Variants in MTCH2 observed in about 807,000 individuals in gnomAD.
The protein encoded by MTCH2 is mitochondrial carrier homolog 2.
In MTCH2, 25 loss-of-function variants were observed where a neutral mutation model predicts 50.6. The observed-to-expected ratio is 0.49, with a 90% CI of 0.36 to 0.69. The LOEUF (loss-of-function observed/expected upper bound fraction) is 0.69, where lower values mean the gene tolerates loss of function less well. Ranked by LOEUF, MTCH2 falls within the 30% of genes least tolerant of loss-of-function variation. The pLI, the probability that MTCH2 is intolerant of heterozygous loss-of-function variation, is 0.00. For missense variants in MTCH2, 273 were observed against 384.4 expected (o/e 0.71, Z 2.42); for synonymous variants, 106 against 132.0 (o/e 0.80, Z 1.35).
chr11:47,638,932 C>T (rs1347754495), intron 2 of MTCH2, 35 bp downstream of exon 2: 4 of 1,592,624 alleles, frequency 2.5e-6, no homozygotes, highest in Admixed American at 1.7e-5. Flanking sequence ...CAGTCCTCAA[C>T]GTCATGCAAA....
the MTCH2 span, among the ~76,000 whole-genome samples, chr11:47,608,005 C>T: frequency 6.6e-6 from 1 of 152,230 alleles, no homozygotes; most frequent in Non-Finnish European, 1.5e-5. Flanking sequence ...GGACGCAATG[C>T]ATGTGCGTGC....
intron 6 of MTCH2, 62 bp from the exon 7 acceptor site, chr11:47,631,149 C>A: frequency 7.1e-7 from 1 of 1,407,282 alleles, no homozygotes; most frequent in Non-Finnish European, 1.0e-6. Context: ...TGGCTCACAC[C>A]TGTAATCCCA....
intron 12 of MTCH2, among the ~76,000 whole-genome samples, chr11:47,619,381 G>A (rs561495096): frequency 6.6e-6 from 1 of 152,080 alleles, no homozygotes; most frequent in Non-Finnish European, 1.5e-5. Flanking sequence ...GGAAAGGAAC[G>A]CGCCACCGTG....
the MTCH2 span, among the ~76,000 whole-genome samples, chr11:47,606,150 G>A: frequency 1.3e-5 from 2 of 152,114 alleles, no homozygotes; most frequent in Non-Finnish European, 2.9e-5. Context: ...AGCTCATTTT[G>A]AATGGCTAGG....
chr11:47,609,116 C>CTCTG, the MTCH2 span, among the ~76,000 whole-genome samples: 1 of 95,422 alleles, frequency 1.0e-5, no homozygotes, highest in African/African-American at 4.1e-5. Flanking sequence ...AAGAGCAAAA[C>CTCTG]TCTGTCTCAA....
the MTCH2 span, among the ~76,000 whole-genome samples, chr11:47,604,557 CTTGTAATAGCAAACAGT>C: frequency 3.9e-5 from 6 of 152,148 alleles, no homozygotes; most frequent in African/African-American, 7.2e-5. Flanking sequence ...TTTAGCATGG[CTTGTAATAGCAAACAGT>C]TTGTAATAGC....
intron 10 of MTCH2, among the ~76,000 whole-genome samples, chr11:47,626,499 G>A (rs2097298321): frequency 6.6e-6 from 1 of 151,984 alleles, no homozygotes; most frequent in South Asian, 2.1e-4. Flanking sequence ...CGGAGGAAAG[G>A]CACGCCCCTT....
chr11:47,634,961 C>T (rs530141571), intron 4 of MTCH2, among the ~76,000 whole-genome samples: 5 of 151,952 alleles, frequency 3.3e-5, no homozygotes, highest in South Asian at 2.1e-4. Context: ...TTAGTAGAGA[C>T]GGGGTTTCAC....
chr11:47,619,912 AC>A (rs2097291669), intron 12 of MTCH2, among the ~76,000 whole-genome samples: 1 of 152,154 alleles, frequency 6.6e-6, no homozygotes, highest in African/African-American at 2.4e-5. Context: ...CCCCATCTCT[AC>A]TAAAAATACA....
chr11:47,608,012 G>A, the MTCH2 span, among the ~76,000 whole-genome samples: 3 of 152,292 alleles, frequency 2.0e-5, no homozygotes, highest in East Asian at 1.9e-4. Flanking sequence ...ATGCATGTGC[G>A]TGCCATATTA....
intron 9 of MTCH2, among the ~76,000 whole-genome samples, chr11:47,627,839 A>T (rs1334789888): frequency 6.6e-6 from 1 of 152,146 alleles, no homozygotes; most frequent in African/African-American, 2.4e-5. Flanking sequence ...TTAGAATAAT[A>T]AGGCAGTGGT....
the MTCH2 span, among the ~76,000 whole-genome samples, chr11:47,604,569 AAC>A: frequency 6.6e-6 from 1 of 152,220 alleles, no homozygotes; most frequent in African/African-American, 2.4e-5. Context: ...TGTAATAGCA[AAC>A]AGTTTGTAAT....
chr11:47,611,600 C>G, the MTCH2 span, among the ~76,000 whole-genome samples: 1 of 152,218 alleles, frequency 6.6e-6, no homozygotes, highest in Admixed American at 6.5e-5. Context: ...CTTTCGTCCA[C>G]GTGTCATCTT....
At chr11:47,609,136 A>AG in the MTCH2 span, among the ~76,000 whole-genome samples, 2 of 125,336 alleles carry the variant, frequency 1.6e-5, no homozygotes, top group East Asian at 2.4e-4. Flanking sequence ...AAAAAAAAAA[A>AG]AAAAAAAAAA....
chr11:47,628,079 C>T (rs1054594007), intron 9 of MTCH2, among the ~76,000 whole-genome samples: 3 of 152,044 alleles, frequency 2.0e-5, no homozygotes, highest in Non-Finnish European at 2.9e-5. Flanking sequence ...GAAGAAAATC[C>T]CTCTCTGTAC....
At chr11:47,631,592 ATC>A in intron 6 of MTCH2, 60 bp downstream of exon 6, 3 of 1,538,932 alleles carry the variant, frequency 1.9e-6, no homozygotes, top group Non-Finnish European at 2.7e-6. Flanking sequence ...ACGTCAACCT[ATC>A]TAAGTGGTCA....
intron 6 of MTCH2, 130 bp from the exon 7 acceptor site, chr11:47,631,217 T>C (rs943985559): frequency 1.5e-6 from 1 of 645,812 alleles, no homozygotes; most frequent in South Asian, 1.9e-5. Context: ...AAGACTAGCC[T>C]GACCAATATG....
intron 11 of MTCH2, among the ~76,000 whole-genome samples, chr11:47,624,481 T>G (rs1284306528): frequency 2.6e-5 from 4 of 152,096 alleles, no homozygotes; most frequent in Non-Finnish European, 5.9e-5. Flanking sequence ...TTTTGTCACT[T>G]TCATAGAAAA....
intron 6 of MTCH2, 125 bp from the exon 7 acceptor site, chr11:47,631,212 T>C (rs913978376): frequency 2.2e-5 from 15 of 669,378 alleles, no homozygotes; most frequent in African/African-American, 9.2e-5. Context: ...AGTTCAAGAC[T>C]AGCCTGACCA....
Sources: gnomAD v4.1 joint callset for allele counts (sites outside exome capture counted in the v4.1 genomes callset) on GRCh38, gnomAD v4.1.1 for gene constraint, MANE v1.5 for transcripts, NCBI Gene and HGNC (gene_info 2026-07-23, HGNC 2026-07-21) for gene names.